The following OAT variants were observed in gnomAD, a reference collection of about 807,000 sequenced individuals.
The protein encoded by OAT is ornithine aminotransferase.
OAT carries 35 observed loss-of-function variants against 48.4 expected under a neutral mutation model. The ratio of observed to expected loss-of-function variants is 0.72; its 90% CI spans 0.55 to 0.96. The LOEUF is 0.96. Among genes scored for constraint, OAT ranks in the 40% least tolerant of loss-of-function variants. The pLI, the probability that OAT is intolerant of heterozygous loss-of-function variation, is 0.00. For synonymous variants in OAT, 182 were observed against 198.4 expected (o/e 0.92, Z 0.70); for missense variants, 438 against 537.9 (o/e 0.81, Z 1.84).
At chr10:124,401,866 A>G in intron 7 of OAT, 27 bp from the exon 8 acceptor site, 1 of 1,515,560 alleles carries the variant, frequency 6.6e-7, no homozygotes, top group Non-Finnish European at 9.1e-7. Flanking sequence ...TCACCATGTC[A>G]TTTCTCAGCA....
At chr10:124,409,070 T>C (rs1246549986) in intron 2 of OAT, 105 bp from the exon 3 acceptor site, 2 of 731,972 alleles carry the variant, frequency 2.7e-6, no homozygotes, top group South Asian at 3.4e-5. Flanking sequence ...TATATGAACC[T>C]CTATTTAATA....
At chr10:124,399,326 C>T (rs1951329700) in intron 9 of OAT, among the ~76,000 whole-genome samples, 1 of 148,294 alleles carries the variant, frequency 6.7e-6, no homozygotes, top group Non-Finnish European at 1.5e-5. Context: ...TTAAGAAGCT[C>T]CCCAGGTGAT....
intron 1 of OAT, among the ~76,000 whole-genome samples, chr10:124,412,532 G>A (rs566558817): frequency 6.6e-6 from 1 of 152,014 alleles, no homozygotes; most frequent in Non-Finnish European, 1.5e-5. Context: ...ATGGCCAGGC[G>A]TGATAGCTCA....
intron 1 of OAT, among the ~76,000 whole-genome samples, chr10:124,413,342 C>T (rs1951819357): frequency 6.6e-6 from 1 of 151,032 alleles, no homozygotes; most frequent in Non-Finnish European, 1.5e-5. Context: ...ACAATCTATT[C>T]TGCTAGGATG....
intron 8 of OAT, 56 bp downstream of exon 8, chr10:124,401,670 A>T (rs1951411749): frequency 8.2e-7 from 1 of 1,217,548 alleles, no homozygotes; most frequent in East Asian, 2.3e-5. Context: ...CCAAATTAAA[A>T]ATCACTTCAA....
At chr10:124,405,803 G>A (rs1484841789) in intron 4 of OAT, 3 of 1,303,610 alleles carry the variant, frequency 2.3e-6, no homozygotes, top group Non-Finnish European at 2.9e-6. Context: ...TCTCTACTGA[G>A]CCTCTTGACT....
Position 124,400,836 on chromosome 10 carries a change from A to ATT in OAT, c.1159+3_1159+4insAA, listed in dbSNP as rs1951385332. ...TATCTTGAGTAAATGTTTTATCTCCATACCTTTGGTTTCTTTAATGACAAT... is the reference window on the plus strand; with the variant it reads ...TATCTTGAGTAAATGTTTTATCTCCATTTACCTTTGGTTTCTTTAATGACAAT... On this transcript the variant is annotated splice_donor_region_variant and intron_variant, in intron 9 of 9. Coordinates refer to ENST00000368845, the MANE Select transcript of OAT (RefSeq NM_000274.4). 6.3e-7 allele frequency: 1 copy of ATT among 1,590,078 alleles called. No homozygotes were observed. The highest frequency in any genetic ancestry group is 2.2e-5 in the East Asian group (1 of 44,610).
intron 9 of OAT, among the ~76,000 whole-genome samples, chr10:124,399,631 C>T (rs1007225592): frequency 6.6e-6 from 1 of 152,092 alleles, no homozygotes; most frequent in Non-Finnish European, 1.5e-5. Context: ...AGGCATAAGA[C>T]ACCGCGCCCG....
intron 5 of OAT, among the ~76,000 whole-genome samples, chr10:124,404,899 T>C (rs764379675): frequency 6.6e-6 from 1 of 151,976 alleles, no homozygotes; most frequent in Non-Finnish European, 1.5e-5. Flanking sequence ...GAAAAGTTAG[T>C]TGGGTGTGGT....
chr10:124,406,923 G>C, intron 4 of OAT: 1 of 978,678 alleles, frequency 1.0e-6, no homozygotes, highest in Non-Finnish European at 1.2e-6. Context: ...TAAAGCAAGT[G>C]AGCTAGATAA....
Position 124,412,139 on chromosome 10 carries a change from A to T in OAT, c.33T>A (p.Phe11Leu), listed in dbSNP as rs1951774765. The change falls in exon 2 of 10, where the codon TTT becomes TTA. Residue 11 changes from phenylalanine (F) to leucine (L), a missense_variant. By Grantham distance (22) the Phe-to-Leu change is conservative. Transcript: ENST00000368845. ...AATGAACTCCGCGACTAAGTACAGC[A>T]AACCTCTGCAAATGTGCTAGTTTGG... is the stretch of plus-strand genomic sequence containing the variant. MFSKLAHLQR[F>L]AVLSRGVHSS... 1 of 1,614,202 alleles carries T rather than the reference A, an allele frequency of 6.2e-7. No individual in the cohort carries two copies. Among genetic ancestry groups the T allele is most frequent in the Middle Eastern group, 1.7e-4 (1 of 6,052 alleles).
intron 4 of OAT, chr10:124,406,917 G>A (rs1951596398): frequency 1.0e-6 from 1 of 973,492 alleles, no homozygotes; most frequent in Admixed American, 6.2e-5. Context: ...AACCAGTAAA[G>A]CAAGTGAGCT....
At position 124,398,069 on chromosome 10, in the gene OAT, C is replaced by T. The variant is rs1436596880; in HGVS notation, c.1193G>A (p.Arg398Gln). The change falls in exon 10 of 10, where the codon CGA (arginine) becomes CAA (glutamine). Residue 398 changes from arginine (R) to glutamine (Q), a missense_variant. By Grantham distance (43) the Arg-to-Gln change is conservative (BLOSUM62 1). Coordinates refer to ENST00000368845, the MANE Select transcript of OAT (RefSeq NM_000274.4). ...TGGCTTGGCCAGAAGTCCATTATCT[C>T]GAAGTCGTAGACACACCTTCCAAGC... is the stretch of plus-strand genomic sequence containing the variant. ...WDAWKVCLRL[R>Q]DNGLLAKPTH... 4.3e-6 allele frequency: 7 copies of T among 1,614,104 alleles called. No individual in the cohort carries two copies. Among genetic ancestry groups the T allele is most frequent in the Non-Finnish European group, 5.9e-6 (7 of 1,179,994 alleles).
At chr10:124,416,978 G>T (rs1437970787) in intron 1 of OAT, among the ~76,000 whole-genome samples, 1 of 151,840 alleles carries the variant, frequency 6.6e-6, no homozygotes, top group East Asian at 1.9e-4. Flanking sequence ...TTTTACTACT[G>T]AGAAAGGACC....
rs770977459 is a variant in OAT at position 124,405,454 on chromosome 10, A to G, written c.630T>C (p.Asn210=). The change falls in exon 5 of 10, where the codon AAT becomes AAC. Residue 210 remains asparagine, a synonymous_variant. Coordinates refer to ENST00000368845, the MANE Select transcript of OAT (RefSeq NM_000274.4). ...GAAATACCTCCAGTGCGGGCAGATC[A>G]TTATAGGGAATGATGTCGAATCCCG... ...FMPGFDIIPY[N]DLPALERALQ... 6.2e-6 allele frequency: 10 copies of G among 1,614,004 alleles called. No individual in the cohort carries two copies. The South Asian group carries it at 1.1e-4, about 18-fold the overall frequency.
chr10:124,405,862 C>T (rs1041741401), intron 4 of OAT: 7 of 1,207,244 alleles, frequency 5.8e-6, no homozygotes, highest in Non-Finnish European at 6.3e-6. Context: ...TTTCAATAAT[C>T]CCCAACCCAA....
Position 124,408,323 on chromosome 10 carries a change from A to G in OAT, c.520+219T>C, listed in dbSNP as rs563032168. On this transcript the variant is annotated intron_variant, in intron 4 of 9. Coordinates refer to ENST00000368845, the MANE Select transcript of OAT (RefSeq NM_000274.4). ...TGTGTGTGTGTGTGTGTGTGTATAT[A>G]TATATATATATATATATATATTTTT... Among the ~76,000 whole-genome samples, 18,954 of 85,044 alleles carry G rather than the reference A, an allele frequency of 0.22. 1,795 individuals are homozygous for G. The highest frequency in any genetic ancestry group is 0.32 in the East Asian group (802 of 2,472). The allele number at this position is 85,044 out of a possible 152,430, so 55.8% of individuals were successfully genotyped here.
intron 7 of OAT, among the ~76,000 whole-genome samples, chr10:124,402,650 A>C (rs1951444563): frequency 6.6e-6 from 1 of 152,220 alleles, no homozygotes; most frequent in Admixed American, 6.5e-5. Flanking sequence ...AAAAAAGGAC[A>C]GGAGTCTACA....
chr10:124,403,768 A>G (rs925162593), intron 6 of OAT, 30 bp downstream of exon 6: 2 of 1,613,846 alleles, frequency 1.2e-6, no homozygotes, highest in African/African-American at 2.7e-5. Context: ...CTCGACATTC[A>G]GCCTTATCAC....
Sources: gnomAD v4.1 joint callset for allele counts (sites outside exome capture counted in the v4.1 genomes callset) on GRCh38, gnomAD v4.1.1 for gene constraint, MANE v1.5 for transcripts, NCBI Gene and HGNC (gene_info 2026-07-23, HGNC 2026-07-21) for gene names.